Variants in ANGPT1 observed in about 807,000 individuals in gnomAD.
ANGPT1 encodes the protein angiopoietin-1.
In ANGPT1, 17 loss-of-function variants were observed where a neutral mutation model predicts 62.2. The ratio of observed to expected loss-of-function variants is 0.27; its 90% CI spans 0.19 to 0.41. The LOEUF (loss-of-function observed/expected upper bound fraction) is 0.41, where lower values mean the gene tolerates loss of function less well. ANGPT1 is among the 10% of genes least tolerant of loss of function. The pLI, the probability that ANGPT1 is intolerant of heterozygous loss-of-function variation, is 1.00. For synonymous variants in ANGPT1, 199 were observed against 198.9 expected (o/e 1.00, Z 0.00); for missense variants, 478 against 594.9 (o/e 0.80, Z 2.04).
chr8:107,396,099 T>C (rs1816928503), intron 1 of ANGPT1, among the ~76,000 whole-genome samples: 1 of 152,216 alleles, frequency 6.6e-6, no homozygotes, highest in South Asian at 2.1e-4. Context: ...CTGTTTATTC[T>C]TTTGATAGTG....
chr8:107,369,226 C>T (rs1464261814), intron 1 of ANGPT1, among the ~76,000 whole-genome samples: 1 of 152,156 alleles, frequency 6.6e-6, no homozygotes, highest in Non-Finnish European at 1.5e-5. Flanking sequence ...AAAATGGCTT[C>T]TTTCCTTAAA....
intron 1 of ANGPT1, among the ~76,000 whole-genome samples, chr8:107,467,667 A>C (rs1351729088): frequency 1.3e-5 from 2 of 152,088 alleles, no homozygotes; most frequent in Non-Finnish European, 2.9e-5. Flanking sequence ...TCAGTCCTGA[A>C]GATACTGAGC....
At position 107,358,602 on chromosome 8, in the gene ANGPT1, A is replaced by G. The variant is rs114341230; in HGVS notation, c.298-11505T>C. ...TGCAAAAATACCTGCTCTTGTGACT[A>G]CACATATTGCCAGAGGAATTTTGTA... On this transcript the variant is annotated intron_variant, in intron 1 of 8. Transcript: ENST00000517746. 2.7e-3 allele frequency among the ~76,000 whole-genome samples: 408 copies of G among 152,336 alleles called. 3 individuals carry two copies. The highest frequency in any genetic ancestry group is 9.3e-3 in the African/African-American group (388 of 41,588).
intron 1 of ANGPT1, among the ~76,000 whole-genome samples, chr8:107,492,600 G>A (rs1245088211): frequency 6.6e-6 from 1 of 151,376 alleles, no homozygotes; most frequent in African/African-American, 2.4e-5. Flanking sequence ...GCGTCCCAAA[G>A]TGCTGGGATT....
chr8:107,264,246 G>A lies in ANGPT1; in HGVS notation c.1311C>T (p.Cys437=), dbSNP rs997923886. 3 of 1,613,754 alleles carry A rather than the reference G, an allele frequency of 1.9e-6. No individual in the cohort carries two copies. ...TKDADNDNCM[C]KCALMLTGGW... ...CTCCTGTTAACATGAGGGCACATTTGCACATACAGTTGTCATTATCAGCAT... is the reference window on the plus strand; with the variant it reads ...CTCCTGTTAACATGAGGGCACATTTACACATACAGTTGTCATTATCAGCAT... The change falls in exon 8 of 9, where the codon TGC becomes TGT. Residue 437 remains cysteine (C), a synonymous_variant. Transcript: ENST00000517746.
At chr8:107,448,086 A>G (rs942235382) in intron 1 of ANGPT1, among the ~76,000 whole-genome samples, 3 of 152,216 alleles carry the variant, frequency 2.0e-5, no homozygotes, top group Non-Finnish European at 2.9e-5. Flanking sequence ...TCTTATTTAC[A>G]TGAAAGACAA....
chr8:107,411,822 G>A (rs1297021686), intron 1 of ANGPT1, among the ~76,000 whole-genome samples: 1 of 152,134 alleles, frequency 6.6e-6, no homozygotes, highest in East Asian at 1.9e-4. Context: ...AAGTTATCAA[G>A]AATCTACAAT....
chr8:107,271,422 C>T (rs1813732154), intron 7 of ANGPT1, among the ~76,000 whole-genome samples: 1 of 151,986 alleles, frequency 6.6e-6, no homozygotes, highest in African/African-American at 2.4e-5. Context: ...GTTCAATAGG[C>T]ATGAATTACG....
At chr8:107,370,191 GAAAA>G (rs764974353) in intron 1 of ANGPT1, among the ~76,000 whole-genome samples, 6,721 of 74,330 alleles carry the variant, frequency 0.09, 302 homozygotes, top group East Asian at 0.15. Context: ...AAGAAAGAAA[GAAAA>G]AAAGAAAGAA....
intron 1 of ANGPT1, among the ~76,000 whole-genome samples, chr8:107,457,298 T>A (rs1009760917): frequency 4.6e-5 from 7 of 152,124 alleles, no homozygotes; most frequent in Non-Finnish European, 1.0e-4. Flanking sequence ...CACATATGAA[T>A]GTCTTCCTGT....
At chr8:107,427,728 T>A (rs919278111) in intron 1 of ANGPT1, among the ~76,000 whole-genome samples, 1 of 152,206 alleles carries the variant, frequency 6.6e-6, no homozygotes, top group Non-Finnish European at 1.5e-5. Context: ...TTTTAGACTG[T>A]CTCTCAGTAT....
rs1465412480 is a variant in ANGPT1 at position 107,468,857 on chromosome 8, A to T, written c.297+28405T>A. Among the ~76,000 whole-genome samples, 3 of 152,168 alleles carry T rather than the reference A, an allele frequency of 2.0e-5. No homozygotes were observed. The East Asian group carries it at 5.8e-4, about 29-fold the overall frequency. On this transcript the variant is annotated intron_variant, in intron 1 of 8. Coordinates refer to ENST00000517746, the MANE Select transcript of ANGPT1 (RefSeq NM_001146.5). ...ATATTTGAGCTATGTGTACACAACC[A>T]GTTTTCCTCCCCTGTTCTTGTTAAT...
At chr8:107,435,892 C>T (rs1314445752) in intron 1 of ANGPT1, among the ~76,000 whole-genome samples, 1 of 152,064 alleles carries the variant, frequency 6.6e-6, no homozygotes, top group Non-Finnish European at 1.5e-5. Context: ...TAATACAATA[C>T]AATTTTACTG....
intron 1 of ANGPT1, among the ~76,000 whole-genome samples, chr8:107,364,679 T>G (rs113179981): frequency 3.3e-5 from 5 of 152,312 alleles, no homozygotes; most frequent in African/African-American, 1.2e-4. Flanking sequence ...AAACTGCTTC[T>G]CCCAATCTAA....
At position 107,303,294 on chromosome 8, in the gene ANGPT1, A is replaced by C. The variant is rs1195240882; in HGVS notation, c.882T>G (p.Phe294Leu). ...AAATAGTGTAGATTCCACTTTTATT[A>C]AAACCAGCTTGATATACATCTGCAC... ...RDCADVYQAG[F>L]NKSGIYTIYI... The change falls in exon 5 of 9, where the codon TTT (phenylalanine) becomes TTG (leucine). Residue 294 changes from phenylalanine (F) to leucine (L), a missense_variant. Physicochemically the swap from Phe to Leu is conservative, Grantham distance 22. Around this residue, in one of 4 missense-constraint regions of ANGPT1, gnomAD observed 343 missense variants for 355.4 expected, o/e 0.97. Coordinates refer to ENST00000517746, the MANE Select transcript of ANGPT1 (RefSeq NM_001146.5). The C allele has an allele frequency of 1.2e-6, 2 of 1,606,172 alleles. No individual in the cohort carries two copies. The highest frequency in any genetic ancestry group is 1.3e-5 in the African/African-American group (1 of 74,220).
intron 1 of ANGPT1, among the ~76,000 whole-genome samples, chr8:107,437,603 A>G (rs1220984554): frequency 6.6e-6 from 1 of 152,172 alleles, no homozygotes; most frequent in East Asian, 1.9e-4. Flanking sequence ...AGCTCTGTTT[A>G]TTTTAACCTT....
intron 1 of ANGPT1, among the ~76,000 whole-genome samples, chr8:107,402,245 G>A (rs957898354): frequency 6.6e-6 from 1 of 152,146 alleles, no homozygotes; most frequent in African/African-American, 2.4e-5. Flanking sequence ...GTTTCAGGTT[G>A]AGATCTTCTG....
chr8:107,333,556 G>A (rs1024796004), intron 3 of ANGPT1, among the ~76,000 whole-genome samples: 7 of 152,144 alleles, frequency 4.6e-5, no homozygotes, highest in Non-Finnish European at 1.0e-4. Flanking sequence ...TGATTTACAC[G>A]TGTAAGAAAA....
intron 1 of ANGPT1, among the ~76,000 whole-genome samples, chr8:107,468,553 C>T (rs1563636305): frequency 6.6e-6 from 1 of 151,780 alleles, no homozygotes; most frequent in Non-Finnish European, 1.5e-5. Flanking sequence ...TATTAATAGC[C>T]AGATTAATAA....
Sources: allele counts gnomAD v4.1 joint callset (sites outside exome capture counted in the v4.1 genomes callset), GRCh38; gene constraint gnomAD v4.1.1; regional missense constraint gnomAD v4.1.1; transcripts MANE v1.5; gene names NCBI Gene and HGNC (gene_info 2026-07-23, HGNC 2026-07-21).